ARPP21: variants seen among roughly 807,000 people sequenced by gnomAD.
ARPP21 encodes cAMP-regulated phosphoprotein 21.
A neutral mutation model predicts 113.2 loss-of-function variants in ARPP21; 69 were observed. The ratio of observed to expected loss-of-function variants is 0.61; its 90% CI spans 0.50 to 0.74. The LOEUF (loss-of-function observed/expected upper bound fraction) is 0.74. Ranked by LOEUF, ARPP21 falls within the 30% of genes least tolerant of loss-of-function variation. ARPP21 has a pLI of 0.00. For missense variants in ARPP21, 1,070 were observed against 1,037.4 expected, an observed-to-expected ratio of 1.03 and a Z score of -0.43; for synonymous variants, 368 against 375.5, an observed-to-expected ratio of 0.98 and a Z score of 0.23.
At chr3:35,741,366 G>A (rs1427795652) in intron 18 of ARPP21, among the ~76,000 whole-genome samples, 2 of 152,080 alleles carry the variant, frequency 1.3e-5, no homozygotes, top group African/African-American at 4.8e-5. Flanking sequence ...TAAAGGTATA[G>A]GCTATAACCC....
intron 2 of ARPP21, chr3:35,680,932 A>G (rs1230966828): frequency 6.6e-6 from 1 of 151,866 alleles, no homozygotes; most frequent in African/African-American, 2.4e-5. Flanking sequence ...GGAGAAAAAA[A>G]TAATAACAGA....
At chr3:35,770,138 C>T (rs370982932) in intron 19 of ARPP21, among the ~76,000 whole-genome samples, 6 of 152,166 alleles carry the variant, frequency 3.9e-5, no homozygotes, top group South Asian at 4.1e-4. Flanking sequence ...TTTATATTCC[C>T]TGGGATGAAA....
rs1190128239 is a variant in ARPP21 at position 35,748,066 on chromosome 3, G to GAAA, written c.2137+4101_2137+4102insAAA. Among the ~76,000 whole-genome samples, 12 of 95,608 alleles carry GAAA rather than the reference G, an allele frequency of 1.3e-4. No individual in the cohort carries two copies. The East Asian group carries it at 3.0e-3, about 24-fold the overall frequency. The allele number at this position is 95,608 out of a possible 152,430, so 62.7% of individuals were successfully genotyped here. A position where few individuals can be genotyped will look rare whatever the true frequency, so the allele number is the denominator to read the frequency against. ...AGAGAGAAAGAAAAGGAAGAAGGAA[G>GAAA]GAAGAAAGAAAGAAAGAAAGAAAGA... On this transcript the variant is annotated intron_variant, in intron 19 of 20. Coordinates refer to ENST00000684406, the MANE Select transcript of ARPP21 (RefSeq NM_001385562.1).
intron 1 of ARPP21, among the ~76,000 whole-genome samples, chr3:35,645,502 CT>C (rs1451232196): frequency 6.6e-6 from 1 of 151,784 alleles, no homozygotes; most frequent in Non-Finnish European, 1.5e-5. Context: ...AATATATGAT[CT>C]TTTTTTCTGC....
At chr3:35,772,531 G>A (rs1446232898) in intron 19 of ARPP21, among the ~76,000 whole-genome samples, 1 of 152,186 alleles carries the variant, frequency 6.6e-6, no homozygotes, top group African/African-American at 2.4e-5. Context: ...CAGCACTCCA[G>A]CACTCCTTGT....
intron 19 of ARPP21, among the ~76,000 whole-genome samples, chr3:35,768,297 A>C (rs1345586834): frequency 3.9e-5 from 6 of 152,010 alleles, no homozygotes; most frequent in African/African-American, 1.5e-4. Flanking sequence ...ATGGAAGGAA[A>C]GTGGTTTCCT....
At position 35,721,830 on chromosome 3, in the gene ARPP21, A is replaced by G; in HGVS notation, c.1221A>G (p.Lys407=). The G allele has an allele frequency of 6.3e-7, 1 of 1,598,870 alleles. No individual in the cohort carries two copies. Among genetic ancestry groups the G allele is most frequent in the Non-Finnish European group, 8.5e-7 (1 of 1,171,080 alleles). ...SSTRSTGKLS[K]AGSESSSSAG... ...CTAGGAGTACCGGGAAGCTGTCCAA[A>G]GCAGGTAGTTAGTACTGAATGTGTT... Residue 407 remains lysine, a synonymous_variant, in exon 14 of 21, where the codon AAA becomes AAG. Coordinates refer to ENST00000684406, the MANE Select transcript of ARPP21 (RefSeq NM_001385562.1).
intron 1 of ARPP21, among the ~76,000 whole-genome samples, chr3:35,668,017 GAA>G (rs1559550309): frequency 3.1e-4 from 46 of 149,588 alleles, no homozygotes; most frequent in African/African-American, 6.5e-4. Context: ...AGAAGAAGAA[GAA>G]GAAGAAGAAG....
rs183349647 is a variant in ARPP21 at position 35,782,149 on chromosome 3, G to A, written c.2138-10233G>A. On this transcript the variant is annotated intron_variant, in intron 19 of 20. Coordinates refer to ENST00000684406, the MANE Select transcript of ARPP21 (RefSeq NM_001385562.1). ...TGCTCAAATATGTATCCATGGTATG[G>A]CAAAAAAATATCTTACTGAAGCCTG... Among the ~76,000 whole-genome samples, 95 of 152,164 alleles carry A rather than the reference G, an allele frequency of 6.2e-4. 1 individual carries two copies. Among genetic ancestry groups the A allele is most frequent in the Non-Finnish European group, 9.7e-4 (66 of 67,978 alleles).
At chr3:35,759,122 T>C (rs1240604045) in intron 19 of ARPP21, among the ~76,000 whole-genome samples, 2 of 152,060 alleles carry the variant, frequency 1.3e-5, no homozygotes, top group Non-Finnish European at 2.9e-5. Context: ...CCCATGAGGT[T>C]AATGTGGTTT....
chr3:35,741,516 T>C (rs2094656497), intron 18 of ARPP21, among the ~76,000 whole-genome samples: 1 of 152,296 alleles, frequency 6.6e-6, no homozygotes, highest in East Asian at 1.9e-4. Flanking sequence ...ATTTAATAAA[T>C]GTAAAGGTCG....
intron 19 of ARPP21, chr3:35,775,096 A>C (rs1012577848): frequency 7.9e-5 from 12 of 152,178 alleles, no homozygotes; most frequent in Non-Finnish European, 1.5e-5. Context: ...CCCCAAAGAA[A>C]GAATTTTGGA....
intron 19 of ARPP21, among the ~76,000 whole-genome samples, chr3:35,788,739 AT>A (rs1229770490): frequency 1.3e-5 from 2 of 152,206 alleles, no homozygotes; most frequent in African/African-American, 4.8e-5. Context: ...TTACATTCTA[AT>A]TGTTCATAAT....
intron 5 of ARPP21, chr3:35,685,635 G>T (rs1469351669): frequency 1.0e-6 from 1 of 984,998 alleles, no homozygotes; most frequent in African/African-American, 1.8e-5. Context: ...TTCCAGTGTG[G>T]GAAAAACTCT....
intron 19 of ARPP21, chr3:35,744,356 C>A: frequency 2.6e-6 from 1 of 391,820 alleles, no homozygotes; most frequent in Non-Finnish European, 4.9e-6. Context: ...CAATATCGTG[C>A]TAAAAGATAC....
At chr3:35,670,670 G>A (rs75958906) in intron 1 of ARPP21, among the ~76,000 whole-genome samples, 2,327 of 152,072 alleles carry the variant, frequency 0.015, 54 homozygotes, top group African/African-American at 0.053. Flanking sequence ...ACAAACACAC[G>A]CCAATTCAGA....
chr3:35,729,478 T>A lies in ARPP21; in HGVS notation c.1401T>A (p.Leu467=). The A allele has an allele frequency of 9.3e-6, 15 of 1,614,216 alleles. No individual in the cohort carries two copies. The highest frequency in any genetic ancestry group is 1.2e-5 in the Non-Finnish European group (14 of 1,180,040). The change falls in exon 15 of 21, where the codon CTT becomes CTA. Residue 467 remains leucine, a synonymous_variant. Transcript: ENST00000684406. ...CCAGCAGCACCAGCTACATCCTCCT[T>A]CCACTTGAAGCTGCAACAGGCATCC... ...VAPSSTSYIL[L]PLEAATGIPP...
chr3:35,789,214 C>T (rs2096694527), intron 19 of ARPP21, among the ~76,000 whole-genome samples: 1 of 152,196 alleles, frequency 6.6e-6, no homozygotes, highest in African/African-American at 2.4e-5. Flanking sequence ...ATAAGCAGTT[C>T]TCACCAGTGC....
chr3:35,735,170 A>G (rs908150554), intron 15 of ARPP21, among the ~76,000 whole-genome samples: 2 of 152,056 alleles, frequency 1.3e-5, no homozygotes, highest in Admixed American at 6.6e-5. Flanking sequence ...CCCAGGCTGG[A>G]GTGCAGTGGC....
Sources: gnomAD v4.1 joint callset for allele counts (sites outside exome capture counted in the v4.1 genomes callset) on GRCh38, gnomAD v4.1.1 for gene constraint, MANE v1.5 for transcripts, NCBI Gene and HGNC (gene_info 2026-07-23, HGNC 2026-07-21) for gene names.